Variants in BAZ1A observed in about 807,000 individuals in gnomAD.
BAZ1A encodes the protein bromodomain adjacent to zinc finger domain 1A, also known as bromodomain adjacent to zinc finger domain protein 1A.
BAZ1A carries 50 observed loss-of-function variants against 185.2 expected under a neutral mutation model. The observed-to-expected ratio is 0.27, with a 90% CI of 0.22 to 0.34. BAZ1A has a LOEUF of 0.34. Among genes scored for constraint, BAZ1A ranks in the 10% least tolerant of loss-of-function variants. BAZ1A has a pLI of 1.00. For synonymous variants in BAZ1A, 571 were observed against 615.6 expected, an observed-to-expected ratio of 0.93 and a Z score of 1.07; for missense variants, 1,356 against 1,839.9, an observed-to-expected ratio of 0.74 and a Z score of 4.81.
At chr14:34,755,090 GAT>G (rs1410847482) in intron 25 of BAZ1A, among the ~76,000 whole-genome samples, 176 bp from the exon 26 acceptor site, 2 of 151,700 alleles carry the variant, frequency 1.3e-5, no homozygotes, top group African/African-American at 2.4e-5. Flanking sequence ...TGTCTATACA[GAT>G]ATATATCTAT....
intron 23 of BAZ1A, among the ~76,000 whole-genome samples, chr14:34,764,111 G>A (rs1878635483): frequency 6.6e-6 from 1 of 152,032 alleles, no homozygotes; most frequent in Non-Finnish European, 1.5e-5. Flanking sequence ...TTATATGGTA[G>A]TATAGAAGCT....
At chr14:34,791,889 T>A (rs1880869484) in intron 12 of BAZ1A, among the ~76,000 whole-genome samples, 1 of 152,182 alleles carries the variant, frequency 6.6e-6, no homozygotes. Flanking sequence ...TTTAAAAATA[T>A]GAAAAGGTTT....
chr14:34,804,563 G>A (rs2138663743), intron 6 of BAZ1A, among the ~76,000 whole-genome samples: 1 of 152,326 alleles, frequency 6.6e-6, no homozygotes, highest in South Asian at 2.1e-4. Context: ...TTCTGGCCAT[G>A]ATAATAAATC....
intron 2 of BAZ1A, among the ~76,000 whole-genome samples, chr14:34,862,925 C>G (rs1303770129): frequency 2.0e-5 from 3 of 151,256 alleles, no homozygotes; most frequent in Non-Finnish European, 2.9e-5. Context: ...CAGTGCTCTT[C>G]TATTCTGCTG....
intron 3 of BAZ1A, among the ~76,000 whole-genome samples, chr14:34,855,169 C>A (rs181425180): frequency 6.6e-6 from 1 of 152,288 alleles, no homozygotes; most frequent in East Asian, 1.9e-4. Context: ...CTAAAGGTTT[C>A]TCTGTACATG....
intron 21 of BAZ1A, among the ~76,000 whole-genome samples, chr14:34,770,433 G>A (rs1305791148): frequency 2.6e-5 from 4 of 152,192 alleles, no homozygotes; most frequent in Non-Finnish European, 4.4e-5. Flanking sequence ...GATTACAGGC[G>A]TGAGCCACCA....
intron 6 of BAZ1A, 121 bp downstream of exon 6, chr14:34,807,330 C>T: frequency 1.6e-6 from 1 of 626,228 alleles, no homozygotes; most frequent in Non-Finnish European, 2.4e-6. Context: ...AAAATTGGCT[C>T]CAGATTAAAA....
intron 2 of BAZ1A, among the ~76,000 whole-genome samples, chr14:34,866,487 CAAAAAAA>C (rs1219524711): frequency 8.2e-5 from 1 of 12,236 alleles, no homozygotes; most frequent in Non-Finnish European, 2.4e-4. Context: ...AACAATATCT[CAAAAAAA>C]AAAAAAAAGA....
intron 3 of BAZ1A, among the ~76,000 whole-genome samples, chr14:34,847,383 A>G (rs1013807): frequency 0.58 from 87,609 of 150,812 alleles, 25,557 homozygotes; most frequent in South Asian, 0.67. Context: ...CAGGATTGAG[A>G]AAAAAAAAAG....
At chr14:34,856,274 T>C (rs546632313) in intron 3 of BAZ1A, among the ~76,000 whole-genome samples, 102 of 149,858 alleles carry the variant, frequency 6.8e-4, no homozygotes, top group African/African-American at 2.3e-3. Flanking sequence ...CTCTCTTAAC[T>C]GAACTCAAGA....
chr14:34,783,627 T>C, intron 15 of BAZ1A, 135 bp downstream of exon 15: 1 of 1,185,446 alleles, frequency 8.4e-7, no homozygotes. Context: ...ACACCTGGCC[T>C]CATTCACAAG....
At position 34,753,416 on chromosome 14, in the gene BAZ1A, A is replaced by C; in HGVS notation, c.*92T>G. The stretch of plus-strand genomic sequence containing the variant: ...TGCAGGCCACACTTTCATGTGGTCA[A>C]TCAATTGTTATTGCTTTATACAGCA... On this transcript the variant is annotated 3_prime_UTR_variant, in exon 27 of 27. Coordinates refer to ENST00000360310, the MANE Select transcript of BAZ1A (RefSeq NM_013448.3). 1 of 1,302,042 alleles carries C rather than the reference A, an allele frequency of 7.7e-7. No homozygotes were observed. Among genetic ancestry groups the C allele is most frequent in the Non-Finnish European group, 1.1e-6 (1 of 925,508 alleles). 80.7% of individuals were successfully genotyped at this position (1,302,042 alleles called of 1,614,324 possible).
intron 3 of BAZ1A, among the ~76,000 whole-genome samples, chr14:34,829,900 TA>T (rs2042216432): frequency 6.6e-6 from 1 of 152,180 alleles, no homozygotes; most frequent in African/African-American, 2.4e-5. Flanking sequence ...TCTTGGTTGA[TA>T]TATACTTTCC....
intron 11 of BAZ1A, among the ~76,000 whole-genome samples, chr14:34,793,503 TA>T (rs1165032124): frequency 6.6e-6 from 1 of 152,222 alleles, no homozygotes; most frequent in Non-Finnish European, 1.5e-5. Flanking sequence ...AATATACTTT[TA>T]TTAAAATAAG....
chr14:34,839,839 C>CAAAAAAAAAAAAAAAAA (rs60954768), intron 3 of BAZ1A, among the ~76,000 whole-genome samples: 1 of 106,682 alleles, frequency 9.4e-6, no homozygotes, highest in Non-Finnish European at 1.9e-5. Context: ...GCCTCTGTTT[C>CAAAAAAAAAAAAAAAAA]AAAAAAAAAA....
chr14:34,875,331 G>C lies in BAZ1A; in HGVS notation c.-252C>G, dbSNP rs1425522851. ...CTTCCCCGCCTCTCGGAGCTCCTGG[G>C]AAGTTTCTGATCTACTTTCGGCTCT... On this transcript the variant is annotated 5_prime_UTR_variant, in exon 1 of 27. Coordinates refer to ENST00000360310, the MANE Select transcript of BAZ1A (RefSeq NM_013448.3). 2.2e-6 allele frequency: 1 copy of C among 455,984 alleles called. No individual in the cohort carries two copies. The highest frequency in any genetic ancestry group is 2.0e-5 in the African/African-American group (1 of 50,092). The allele number at this position is 455,984 out of a possible 1,614,324, so 28.2% of individuals were successfully genotyped here.
chr14:34,802,114 G>T lies in BAZ1A; in HGVS notation c.861+740C>A, dbSNP rs1462018093. On this transcript the variant is annotated intron_variant, in intron 7 of 26. Coordinates refer to ENST00000360310, the MANE Select transcript of BAZ1A (RefSeq NM_013448.3). ...GATGGTGTAAATATCAAATATAAAA[G>T]ATGCAGAAAAAAGACATACCAGAAA... 1.1e-4 allele frequency among the ~76,000 whole-genome samples: 16 copies of T among 152,168 alleles called. No individual in the cohort carries two copies. In the East Asian group the frequency reaches 3.1e-3, roughly 29 times the overall value.
At chr14:34,857,114 C>T (rs2042694594) in intron 3 of BAZ1A, among the ~76,000 whole-genome samples, 1 of 150,840 alleles carries the variant, frequency 6.6e-6, no homozygotes, top group Non-Finnish European at 1.5e-5. Flanking sequence ...TCACATCATT[C>T]TCCTGCCTCA....
intron 6 of BAZ1A, among the ~76,000 whole-genome samples, chr14:34,804,585 A>T (rs1462946483): frequency 6.6e-6 from 1 of 152,262 alleles, no homozygotes; most frequent in Non-Finnish European, 1.5e-5. Context: ...AGAATCTATC[A>T]AAATTTCCCA....
Sources: gnomAD v4.1 joint callset for allele counts (sites outside exome capture counted in the v4.1 genomes callset) on GRCh38, gnomAD v4.1.1 for gene constraint, MANE v1.5 for transcripts, NCBI Gene and HGNC (gene_info 2026-07-23, HGNC 2026-07-21) for gene names.